SULF2: variants seen among roughly 807,000 people sequenced by gnomAD.
The protein encoded by SULF2 is sulfatase 2.
Under a neutral mutation model 107.7 loss-of-function variants are expected in SULF2, and 52 were observed. The observed-to-expected ratio is 0.48, with a 90% CI of 0.39 to 0.61. The LOEUF is 0.61. Among genes scored for constraint, SULF2 ranks in the 20% least tolerant of loss-of-function variants. SULF2 has a pLI of 0.00. For missense variants in SULF2, 993 were observed against 1,177.3 expected (o/e 0.84, Z 2.29); for synonymous variants, 460 against 464.3 (o/e 0.99, Z 0.12).
At chr20:47,779,592 A>G (rs1037877164) in intron 1 of SULF2, among the ~76,000 whole-genome samples, 5 of 152,014 alleles carry the variant, frequency 3.3e-5, no homozygotes, top group African/African-American at 9.7e-5. Flanking sequence ...AAACCCTCCA[A>G]TGGTTCTCCA....
At chr20:47,659,759 C>G in intron 18 of SULF2, 29 bp from the exon 19 acceptor site, 1 of 1,605,400 alleles carries the variant, frequency 6.2e-7, no homozygotes, top group Non-Finnish European at 8.5e-7. Flanking sequence ...AAAAACAAAA[C>G]AGGAGCAGAT....
chr20:47,682,063 G>C (rs1157913615), intron 7 of SULF2, among the ~76,000 whole-genome samples: 1 of 152,216 alleles, frequency 6.6e-6, no homozygotes, highest in African/African-American at 2.4e-5. Flanking sequence ...CGTTATTACA[G>C]CTCTTAGTCC....
Position 47,702,603 on chromosome 20 carries a change from G to C in SULF2, c.483C>G (p.Val161=). 1.2e-6 allele frequency: 2 copies of C among 1,613,730 alleles called. No individual in the cohort carries two copies. Among genetic ancestry groups the C allele is most frequent in the South Asian group, 2.2e-5 (2 of 91,046 alleles). The change falls in exon 4 of 21, where the codon GTC becomes GTG. Residue 161 remains valine, a synonymous_variant. Transcript: ENST00000688720. ...AAAAGCGGGAGTTTTTAAGGAGTCC[G>C]ACCCACTCCTTCCAGCCGGGTGGCA... ...SYVPPGWKEW[V]GLLKNSRFYN...
chr20:47,665,989 TG>T (rs1372333764), intron 12 of SULF2, 36 bp from the exon 13 acceptor site: 2 of 1,606,958 alleles, frequency 1.2e-6, no homozygotes, highest in African/African-American at 2.7e-5. Flanking sequence ...GGCTCGGAGG[TG>T]GTGGAGGGGG....
chr20:47,781,911 G>A (rs2090840364), intron 1 of SULF2, among the ~76,000 whole-genome samples: 1 of 152,160 alleles, frequency 6.6e-6, no homozygotes, highest in African/African-American at 2.4e-5. Flanking sequence ...CAGAGGAGCG[G>A]TGGATAGGAA....
chr20:47,766,028 T>G (rs1048727026), intron 1 of SULF2, among the ~76,000 whole-genome samples: 2 of 151,852 alleles, frequency 1.3e-5, no homozygotes, highest in African/African-American at 2.4e-5. Flanking sequence ...AAGAGGAGGG[T>G]GGAGGACAGG....
chr20:47,750,402 G>A (rs1026683310), intron 2 of SULF2, among the ~76,000 whole-genome samples: 14 of 152,152 alleles, frequency 9.2e-5, no homozygotes, highest in Non-Finnish European at 8.8e-5. Context: ...AGTTCCATCA[G>A]CACTTGTATC....
intron 1 of SULF2, among the ~76,000 whole-genome samples, chr20:47,768,199 G>T (rs1333999670): frequency 6.6e-6 from 1 of 152,174 alleles, no homozygotes; most frequent in African/African-American, 2.4e-5. Flanking sequence ...GTGGGGTCGG[G>T]AATGAAGCCA....
chr20:47,780,675 T>C (rs1354818991), intron 1 of SULF2, among the ~76,000 whole-genome samples: 1 of 152,186 alleles, frequency 6.6e-6, no homozygotes, highest in Non-Finnish European at 1.5e-5. Flanking sequence ...TGCCTCAGCC[T>C]CCTGTGTAGC....
rs6090735 is a variant in SULF2, at chr20:47,779,906, C to T, written c.-101+5437G>A. On this transcript the variant is annotated intron_variant, in intron 1 of 20. Transcript: ENST00000688720. ...ACAGGCATAAGCCACCGCGTCCAGACAGTTATCCATTTTATTTAAAATAAA... is the reference window on the plus strand; with the variant it reads ...ACAGGCATAAGCCACCGCGTCCAGATAGTTATCCATTTTATTTAAAATAAA... Among the ~76,000 whole-genome samples, 973 of 152,202 alleles carry T rather than the reference C, an allele frequency of 6.4e-3. 15 individuals are homozygous for T. Among genetic ancestry groups the T allele is most frequent in the African/African-American group, 0.022 (908 of 41,520 alleles).
At chr20:47,705,145 G>A (rs907066771) in intron 3 of SULF2, among the ~76,000 whole-genome samples, 12 of 152,212 alleles carry the variant, frequency 7.9e-5, no homozygotes, top group African/African-American at 2.2e-4. Flanking sequence ...ATGCAGGGCC[G>A]GGAGGTGACC....
chr20:47,687,044 TG>T (rs1485040650), intron 5 of SULF2, among the ~76,000 whole-genome samples: 3 of 152,014 alleles, frequency 2.0e-5, no homozygotes, highest in African/African-American at 7.3e-5. Flanking sequence ...GCAGCGAGCG[TG>T]TGGGAAAATT....
Position 47,663,543 on chromosome 20 carries a change from G to C in SULF2, c.2137C>G (p.Arg713Gly). ...RKKKLRKLLK[R>G]LQNNDTCSMP... ...CTGCACGTGTCGTTGTTCTGCAGGC[G>C]CTTGAGCAGCTTGCGGAGTTTCTTC... Residue 713 changes from arginine (R) to glycine (G), a missense_variant, in exon 16 of 21, where the codon CGC (arginine) becomes GGC (glycine). Physicochemically the swap from Arg to Gly is moderately radical, Grantham distance 125 (BLOSUM62 -2). Around this residue, in one of 3 missense-constraint regions of SULF2, gnomAD observed 497 missense variants for 544.1 expected, o/e 0.91. Transcript: ENST00000688720. 1.2e-6 allele frequency: 2 copies of C among 1,612,748 alleles called. No individual in the cohort carries two copies.
intron 3 of SULF2, among the ~76,000 whole-genome samples, chr20:47,723,515 T>A (rs1356320610): frequency 6.6e-6 from 1 of 152,154 alleles, no homozygotes; most frequent in Non-Finnish European, 1.5e-5. Context: ...CTGGGCTGCA[T>A]AGCAGGAGGT....
intron 3 of SULF2, among the ~76,000 whole-genome samples, chr20:47,719,275 T>C (rs1450991401): frequency 3.3e-5 from 5 of 152,266 alleles, no homozygotes; most frequent in Admixed American, 6.5e-5. Flanking sequence ...AAATATGTTT[T>C]CATATAACTG....
intron 3 of SULF2, among the ~76,000 whole-genome samples, chr20:47,725,478 C>T (rs1191295002): frequency 6.6e-6 from 1 of 152,166 alleles, no homozygotes; most frequent in African/African-American, 2.4e-5. Context: ...TAGTCTCCGC[C>T]CCCAGGAAGC....
At chr20:47,745,763 T>C (rs2090021297) in intron 2 of SULF2, among the ~76,000 whole-genome samples, 1 of 151,854 alleles carries the variant, frequency 6.6e-6, no homozygotes, top group African/African-American at 2.4e-5. Context: ...CTCCTGGCCT[T>C]AAGTGATCCA....
intron 3 of SULF2, among the ~76,000 whole-genome samples, chr20:47,733,624 T>C (rs1458887793): frequency 1.3e-5 from 2 of 151,884 alleles, no homozygotes; most frequent in Non-Finnish European, 2.9e-5. Flanking sequence ...AATACAAAAA[T>C]TAGTCAGGCG....
chr20:47,722,697 C>T (rs6066448), intron 3 of SULF2, among the ~76,000 whole-genome samples: 23,088 of 151,262 alleles, frequency 0.15, 1,951 homozygotes, highest in Non-Finnish European at 0.2. Flanking sequence ...TTTGGGAGGC[C>T]GAGGCAGGCA....
Sources: allele counts gnomAD v4.1 joint callset (sites outside exome capture counted in the v4.1 genomes callset), GRCh38; gene constraint gnomAD v4.1.1; regional missense constraint gnomAD v4.1.1; transcripts MANE v1.5; gene names NCBI Gene and HGNC (gene_info 2026-07-23, HGNC 2026-07-21).